QTGAL: variants seen among roughly 807,000 people sequenced by gnomAD.
QTGAL encodes the protein queuosine-tRNA galactosyltransferase, also known as BGnT-like protein 1.
the QTGAL span, among the ~76,000 whole-genome samples, chr17:82,970,627 GGCCGC>G: frequency 5.8e-4 from 58 of 100,688 alleles, 5 homozygotes; most frequent in African/African-American, 2.5e-3. Flanking sequence ...CACCCGGCGT[GGCCGC>G]GACCTCCGCA....
chr17:82,958,856 GTATGGTGTGTGTGTGTGTGTACAC>G, the QTGAL span, among the ~76,000 whole-genome samples: 8 of 114,320 alleles, frequency 7.0e-5, no homozygotes, highest in African/African-American at 1.9e-4. Flanking sequence ...CACTGGGGGT[GTATGGTGTGTGTGTGTGTGTACAC>G]TGGGGGTGTA....
At chr17:83,002,605 G>A in the QTGAL span, among the ~76,000 whole-genome samples, 14 of 152,184 alleles carry the variant, frequency 9.2e-5, no homozygotes, top group African/African-American at 3.1e-4. Flanking sequence ...CCCCACAGAG[G>A]ATGGCAGGGA....
chr17:83,032,442 C>T, the QTGAL span, among the ~76,000 whole-genome samples: 1 of 132,006 alleles, frequency 7.6e-6, no homozygotes, highest in East Asian at 2.3e-4. Flanking sequence ...AGACCGAACT[C>T]GGGAGCTGAA....
chr17:82,982,253 C>T, the QTGAL span, among the ~76,000 whole-genome samples: 88,358 of 151,488 alleles, frequency 0.58, 26,094 homozygotes, highest in East Asian at 0.78. Flanking sequence ...AGTTCATCTG[C>T]GACTTTTTTC....
chr17:83,007,105 G>A, the QTGAL span: 1 of 677,194 alleles, frequency 1.5e-6, no homozygotes, highest in Non-Finnish European at 1.8e-6. Flanking sequence ...CCTCCTTAGT[G>A]AAATGTCTTT....
the QTGAL span, among the ~76,000 whole-genome samples, chr17:82,994,054 AAAG>A: frequency 3.3e-5 from 5 of 152,280 alleles, no homozygotes; most frequent in South Asian, 2.1e-4. Flanking sequence ...CTACATCAAA[AAAG>A]AAGAAAACCT....
the QTGAL span, among the ~76,000 whole-genome samples, chr17:83,032,208 G>A: frequency 0.012 from 857 of 74,162 alleles, 5 homozygotes; most frequent in African/African-American, 0.016. Context: ...ACCAGGCCAG[G>A]CCTCCGACCC....
the QTGAL span, among the ~76,000 whole-genome samples, chr17:83,026,400 G>A: frequency 2.6e-5 from 4 of 152,264 alleles, no homozygotes; most frequent in Non-Finnish European, 4.4e-5. Flanking sequence ...GAGGAAAGAC[G>A]GATGTACACG....
the QTGAL span, among the ~76,000 whole-genome samples, chr17:83,004,868 C>T: frequency 6.6e-6 from 1 of 151,582 alleles, no homozygotes; most frequent in African/African-American, 2.4e-5. Flanking sequence ...TGGACCTGTG[C>T]GGTCGGGTTT....
the QTGAL span, chr17:82,948,630 T>C: frequency 1.3e-5 from 2 of 152,144 alleles, no homozygotes; most frequent in South Asian, 4.1e-4. Flanking sequence ...ATAGGATAAA[T>C]TAGACTATGG....
chr17:83,017,369 TCCCAGCACTTTGGGAG>T, the QTGAL span, among the ~76,000 whole-genome samples: 3 of 152,092 alleles, frequency 2.0e-5, no homozygotes, highest in Non-Finnish European at 4.4e-5. Context: ...ATGCCTGTAA[TCCCAGCACTTTGGGAG>T]GCCAAGGCAG....
chr17:82,966,920 C>G, the QTGAL span, among the ~76,000 whole-genome samples: 2 of 152,164 alleles, frequency 1.3e-5, no homozygotes, highest in African/African-American at 4.8e-5. Flanking sequence ...GCAATAAGTG[C>G]GTTTCACTGA....
At chr17:82,990,114 G>T in the QTGAL span, among the ~76,000 whole-genome samples, 1 of 152,122 alleles carries the variant, frequency 6.6e-6, no homozygotes, top group Non-Finnish European at 1.5e-5. Flanking sequence ...ACATTTTCCC[G>T]TCTTCCATGC....
chr17:83,029,004 G>C, the QTGAL span, among the ~76,000 whole-genome samples: 1 of 152,316 alleles, frequency 6.6e-6, no homozygotes, highest in Admixed American at 6.5e-5. Context: ...TTTCACGTAC[G>C]CATGAAATTC....
chr17:82,952,860 G>A, the QTGAL span, among the ~76,000 whole-genome samples: 1 of 152,192 alleles, frequency 6.6e-6, no homozygotes, highest in Non-Finnish European at 1.5e-5. Flanking sequence ...TCAGAACACA[G>A]TGCAATCGAA....
the QTGAL span, among the ~76,000 whole-genome samples, chr17:82,973,224 G>A: frequency 6.6e-6 from 1 of 152,200 alleles, no homozygotes; most frequent in Admixed American, 6.5e-5. Context: ...AGCTGGAGAC[G>A]CCCTGGTGGT....
the QTGAL span, among the ~76,000 whole-genome samples, chr17:83,050,658 A>G: frequency 6.6e-6 from 1 of 152,220 alleles, no homozygotes; most frequent in South Asian, 2.1e-4. Flanking sequence ...TGTTCCCTGC[A>G]TCGGCCTATT....
chr17:82,980,961 C>T, the QTGAL span: 1 of 152,234 alleles, frequency 6.6e-6, no homozygotes, highest in South Asian at 2.1e-4. Context: ...TAGGGGTGTT[C>T]CAAAAATGCC....
the QTGAL span, chr17:82,957,100 G>A: frequency 3.2e-6 from 5 of 1,575,666 alleles, no homozygotes; most frequent in Non-Finnish European, 4.4e-6. Flanking sequence ...ACTCTGCCAA[G>A]GGGGAAGGCT....
Sources: allele counts gnomAD v4.1 joint callset (sites outside exome capture counted in the v4.1 genomes callset), GRCh38; gene constraint gnomAD v4.1.1; transcripts MANE v1.5; gene names NCBI Gene and HGNC (gene_info 2026-07-23, HGNC 2026-07-21).